FARP1: variants seen among roughly 807,000 people sequenced by gnomAD.
FARP1 encodes the protein FERM, ARHGEF and pleckstrin domain-containing protein 1.
Under a neutral mutation model 128.8 loss-of-function variants are expected in FARP1, and 52 were observed. The observed-to-expected ratio is 0.40, with a 90% CI of 0.32 to 0.51. The LOEUF is 0.51. Ranked by LOEUF, FARP1 falls within the 20% of genes least tolerant of loss-of-function variation. The pLI, the probability that FARP1 is intolerant of heterozygous loss-of-function variation, is 0.45. For synonymous variants in FARP1, 580 were observed against 551.8 expected (o/e 1.05, Z -0.72); for missense variants, 1,333 against 1,367.9 (o/e 0.97, Z 0.40).
chr13:98,213,018 C>G (rs1326226447), intron 1 of FARP1, among the ~76,000 whole-genome samples: 1 of 152,070 alleles, frequency 6.6e-6, no homozygotes, highest in Non-Finnish European at 1.5e-5. Context: ...CAAAATTATT[C>G]AAAAGAATAA....
chr13:98,341,394 G>A (rs1261613001), intron 2 of FARP1, among the ~76,000 whole-genome samples: 1 of 152,188 alleles, frequency 6.6e-6, no homozygotes, highest in East Asian at 1.9e-4. Flanking sequence ...AGCACTTTGG[G>A]AGGCTGAGGC....
intron 1 of FARP1, among the ~76,000 whole-genome samples, chr13:98,167,296 T>A (rs1877333602): frequency 6.6e-6 from 1 of 152,214 alleles, no homozygotes; most frequent in African/African-American, 2.4e-5. Context: ...GTAATTCAAG[T>A]ACTTTTTCCT....
chr13:98,306,528 G>GT (rs1220738527), intron 2 of FARP1, among the ~76,000 whole-genome samples: 2 of 146,944 alleles, frequency 1.4e-5, no homozygotes, highest in African/African-American at 2.4e-5. Flanking sequence ...TTTCTTTTTT[G>GT]TTTTGAGAAA....
chr13:98,310,923 G>A (rs187820502), intron 2 of FARP1, among the ~76,000 whole-genome samples: 1 of 152,236 alleles, frequency 6.6e-6, no homozygotes, highest in Admixed American at 6.5e-5. Context: ...AAGAAGGAGA[G>A]GTCAAAGGGC....
chr13:98,277,150 C>CACACACACACACACACACA (rs1566824337), intron 2 of FARP1, among the ~76,000 whole-genome samples: 158 of 11,710 alleles, frequency 0.013, no homozygotes, highest in African/African-American at 0.022. Flanking sequence ...ACACACACAC[C>CACACACACACACACACACA]CCATATGTAT....
intron 2 of FARP1, among the ~76,000 whole-genome samples, chr13:98,216,557 C>T (rs1594282376): frequency 6.6e-6 from 1 of 152,188 alleles, no homozygotes; most frequent in South Asian, 2.1e-4. Context: ...GTTGAATTTC[C>T]TGGGCCTTTG....
chr13:98,373,533 G>GACAGACAGACAGACAC (rs1349451618), intron 5 of FARP1, among the ~76,000 whole-genome samples: 19 of 130,982 alleles, frequency 1.5e-4, no homozygotes, highest in African/African-American at 5.3e-4. Flanking sequence ...CAGACAGACA[G>GACAGACAGACAGACAC]ACACACACAC....
At chr13:98,397,905 A>G (rs1268856184) in intron 13 of FARP1, 1 of 16,702 alleles carries the variant, frequency 6.0e-5, no homozygotes, top group African/African-American at 8.2e-5. Context: ...TTTTTGAAAA[A>G]AAAAAAAAAA....
intron 2 of FARP1, among the ~76,000 whole-genome samples, chr13:98,214,751 A>G (rs572846007): frequency 6.6e-6 from 1 of 152,326 alleles, no homozygotes; most frequent in East Asian, 1.9e-4. Flanking sequence ...GTATCTTTCA[A>G]GGACTTGGGA....
intron 13 of FARP1, chr13:98,407,040 C>T (rs1276142697): frequency 6.5e-6 from 1 of 152,698 alleles, no homozygotes; most frequent in Non-Finnish European, 1.5e-5. Context: ...TCCCACTAGC[C>T]TTCTAACTAC....
chr13:98,330,720 A>T (rs899222070), intron 2 of FARP1, among the ~76,000 whole-genome samples: 3 of 151,570 alleles, frequency 2.0e-5, no homozygotes, highest in African/African-American at 7.3e-5. Flanking sequence ...ACGCCACTGC[A>T]CTCCAGCTTG....
intron 2 of FARP1, among the ~76,000 whole-genome samples, chr13:98,327,302 T>C (rs1437456489): frequency 6.6e-6 from 1 of 152,222 alleles, no homozygotes; most frequent in African/African-American, 2.4e-5. Context: ...CACAGGATTT[T>C]TTTTAAAATG....
chr13:98,146,092 C>T (rs1429942729), intron 1 of FARP1, among the ~76,000 whole-genome samples: 3 of 152,132 alleles, frequency 2.0e-5, no homozygotes, highest in Non-Finnish European at 4.4e-5. Flanking sequence ...CAACTCTTTT[C>T]ATCCTGGACG....
At chr13:98,257,934 C>T (rs1304456518) in intron 2 of FARP1, among the ~76,000 whole-genome samples, 1 of 152,250 alleles carries the variant, frequency 6.6e-6, no homozygotes, top group East Asian at 1.9e-4. Context: ...CATTCCACAG[C>T]GTGTACATCT....
intron 2 of FARP1, among the ~76,000 whole-genome samples, chr13:98,272,524 T>C (rs1884439912): frequency 6.6e-6 from 1 of 152,192 alleles, no homozygotes; most frequent in Non-Finnish European, 1.5e-5. Flanking sequence ...GCTTAAGGGA[T>C]CCTTCTGTTT....
chr13:98,176,553 C>T lies in FARP1; in HGVS notation c.-24+33061C>T. The T allele has an allele frequency of 6.2e-7, 1 of 1,614,234 alleles. No individual in the cohort carries two copies. Among genetic ancestry groups the T allele is most frequent in the Non-Finnish European group, 8.5e-7 (1 of 1,180,046 alleles). On this transcript the variant is annotated intron_variant, in intron 1 of 26. Coordinates refer to ENST00000319562, the MANE Select transcript of FARP1 (RefSeq NM_005766.4). The surrounding 1 kb of genome is among the most constrained non-coding windows in gnomAD (Gnocchi z 6.2). Reference sequence around the variant, plus strand: ...TACAGTAGCGACCCTCTTCAAGCTCCCGTTCAATCTCCCACCCGAGCTTGT... The same window carrying T: ...TACAGTAGCGACCCTCTTCAAGCTCTCGTTCAATCTCCCACCCGAGCTTGT...
chr13:98,386,993 C>CT (rs1426503895), intron 8 of FARP1, among the ~76,000 whole-genome samples: 1 of 152,284 alleles, frequency 6.6e-6, no homozygotes, highest in East Asian at 1.9e-4. Context: ...CGCATAGCCT[C>CT]TGAGTATCGG....
chr13:98,396,654 C>G (rs1237025167), intron 13 of FARP1: 1 of 396,690 alleles, frequency 2.5e-6, no homozygotes, highest in Non-Finnish European at 4.4e-6. Flanking sequence ...CTTCTAAAAT[C>G]GTTAAGAAAA....
Position 98,427,904 on chromosome 13 carries a change from G to T in FARP1, c.1906-3139G>T, listed in dbSNP as rs188975460. Among the ~76,000 whole-genome samples, 971 of 152,152 alleles carry T rather than the reference G, an allele frequency of 6.4e-3. 8 individuals are homozygous for T. Among genetic ancestry groups the T allele is most frequent in the Non-Finnish European group, 9.7e-3 (660 of 68,010 alleles). ...CAGCCTTTTTGAGAAGTTAGTTGGG[G>T]TTTTTTTTAATTGCTGTTTTTATTG... On this transcript the variant is annotated intron_variant, in intron 17 of 26. Transcript: ENST00000319562.
Sources: gnomAD v4.1 joint callset for allele counts (sites outside exome capture counted in the v4.1 genomes callset) on GRCh38, gnomAD v4.1.1 for gene constraint, Gnocchi (gnomAD v3.1) non-coding constraint, MANE v1.5 for transcripts, NCBI Gene and HGNC (gene_info 2026-07-23, HGNC 2026-07-21) for gene names.